The following USP49 variants were observed in gnomAD, a reference collection of about 807,000 sequenced individuals.
The protein encoded by USP49 is ubiquitin specific peptidase 49, also known as ubiquitin carboxyl-terminal hydrolase 49.
USP49 carries 24 observed loss-of-function variants against 58.6 expected under a neutral mutation model. That is an observed-to-expected ratio of 0.41 (90% CI 0.30 to 0.58). The LOEUF (loss-of-function observed/expected upper bound fraction) is 0.58, where lower values mean the gene tolerates loss of function less well. Among genes scored for constraint, USP49 ranks in the 20% least tolerant of loss-of-function variants. The pLI is 0.30. For missense variants in USP49, 703 were observed against 866.1 expected (o/e 0.81, Z 2.36); for synonymous variants, 408 against 365.1 (o/e 1.12, Z -1.34).
intron 3 of USP49, among the ~76,000 whole-genome samples, chr6:41,850,022 C>T (rs1014888703): frequency 6.6e-6 from 1 of 152,062 alleles, no homozygotes; most frequent in Non-Finnish European, 1.5e-5. Context: ...GCCACAGGAT[C>T]AAACAAGTCA....
intron 2 of USP49, among the ~76,000 whole-genome samples, chr6:41,878,405 A>C (rs984470486): frequency 6.6e-6 from 1 of 152,356 alleles, no homozygotes; most frequent in African/African-American, 2.4e-5. Flanking sequence ...TCACCAAAAA[A>C]TGTGACCTGA....
At chr6:41,835,010 G>A (rs1338658015) in intron 3 of USP49, among the ~76,000 whole-genome samples, 1 of 152,160 alleles carries the variant, frequency 6.6e-6, no homozygotes, top group East Asian at 1.9e-4. Context: ...ATGGTAATAA[G>A]GAAAGAAGAC....
chr6:41,806,922 G>A lies in USP49; in HGVS notation c.62C>T (p.Pro21Leu). The change falls in exon 4 of 8, where the codon CCT becomes CTT. Residue 21 changes from proline to leucine, a missense_variant. By Grantham distance (98) the Pro-to-Leu change is moderately conservative (BLOSUM62 -3). Coordinates refer to ENST00000682992, the MANE Select transcript of USP49 (RefSeq NM_001286554.2). This position sits in a 1 kb window ranked among gnomAD's most constrained non-coding sequence, Gnocchi z 5.9. Reference protein sequence around the residue: ...RLAQDHSILNPQKWCCLECAT... With the variant: ...RLAQDHSILNLQKWCCLECAT... Reference sequence around the variant, plus strand: ...ACACTCTAAGCAGCACCACTTCTGAGGGTTCAGGATGGAGTGGTCCTGGGC... The same window carrying A: ...ACACTCTAAGCAGCACCACTTCTGAAGGTTCAGGATGGAGTGGTCCTGGGC... The A allele has an allele frequency of 6.2e-7, 1 of 1,613,550 alleles. No homozygotes were observed. The highest frequency in any genetic ancestry group is 2.2e-5 in the East Asian group (1 of 44,880).
chr6:41,854,336 A>T (rs1774089176), intron 3 of USP49, among the ~76,000 whole-genome samples: 1 of 145,714 alleles, frequency 6.9e-6, no homozygotes, highest in Non-Finnish European at 1.5e-5. Flanking sequence ...AAAAAAAAAA[A>T]GCAGCAGCAT....
rs540160828 is a variant in USP49 at position 41,878,963 on chromosome 6, C to T, written c.-102-7326G>A. On this transcript the variant is annotated intron_variant, in intron 2 of 7. Coordinates refer to ENST00000682992, the MANE Select transcript of USP49 (RefSeq NM_001286554.2). ...TTGAATTGCTGCAATTCTAGTAACC[C>T]TAAATCGGTGGCAAGGAACATAAAA... Among the ~76,000 whole-genome samples the T allele has an allele frequency of 2.5e-3, 387 of 152,302 alleles. 1 individual carries two copies. Among genetic ancestry groups the T allele is most frequent in the Non-Finnish European group, 4.5e-3 (305 of 68,018 alleles).
chr6:41,802,533 G>A (rs1252986561), intron 5 of USP49, among the ~76,000 whole-genome samples: 2 of 142,358 alleles, frequency 1.4e-5, no homozygotes, highest in Non-Finnish European at 3.0e-5. Flanking sequence ...GAGTGCAGTG[G>A]CGCCCACCTT....
intron 2 of USP49, among the ~76,000 whole-genome samples, chr6:41,890,681 C>T (rs568400919): frequency 3.9e-5 from 6 of 152,130 alleles, no homozygotes; most frequent in African/African-American, 1.2e-4. Context: ...CAATAATAAT[C>T]ATAATAATCA....
In USP49 at chr6:41,824,333, T is replaced by C. The variant is rs902328576; in HGVS notation, c.-28-17322A>G. 4.6e-5 allele frequency among the ~76,000 whole-genome samples: 7 copies of C among 152,076 alleles called. No individual in the cohort carries two copies. The East Asian group carries it at 7.7e-4, about 17-fold the overall frequency. On this transcript the variant is annotated intron_variant, in intron 3 of 7. Transcript: ENST00000682992. ...AGCAAATTTGAGGGTTTTTCTAATA[T>C]CCATTTTCTTAAATCTTGAAAAATT...
intron 3 of USP49, among the ~76,000 whole-genome samples, chr6:41,841,933 T>C (rs1773835105): frequency 6.6e-6 from 1 of 152,158 alleles, no homozygotes; most frequent in South Asian, 2.1e-4. Flanking sequence ...GGCGCCCGCC[T>C]GTAATCCCAG....
chr6:41,816,138 A>G (rs899257929), intron 3 of USP49, among the ~76,000 whole-genome samples: 1 of 152,106 alleles, frequency 6.6e-6, no homozygotes, highest in African/African-American at 2.4e-5. Flanking sequence ...AATATTCTCA[A>G]GTGTCTTCTG....
intron 2 of USP49, among the ~76,000 whole-genome samples, chr6:41,878,059 T>TA (rs1774533660): frequency 6.6e-6 from 1 of 152,174 alleles, no homozygotes; most frequent in African/African-American, 2.4e-5. Context: ...GTAAAGGATG[T>TA]AACATCAGCT....
chr6:41,867,833 A>G (rs951584811), intron 3 of USP49, among the ~76,000 whole-genome samples: 7 of 152,222 alleles, frequency 4.6e-5, no homozygotes, highest in African/African-American at 1.7e-4. Context: ...TCTATCTACT[A>G]TAAATGATTC....
chr6:41,810,298 T>C (rs1773232068), intron 3 of USP49, among the ~76,000 whole-genome samples: 1 of 150,048 alleles, frequency 6.7e-6, no homozygotes, highest in African/African-American at 2.4e-5. Context: ...CTAGCCAACA[T>C]GGTGAAACCC....
At chr6:41,880,553 C>G (rs1774585836) in intron 2 of USP49, among the ~76,000 whole-genome samples, 1 of 152,182 alleles carries the variant, frequency 6.6e-6, no homozygotes, top group Admixed American at 6.5e-5. Context: ...CATCATCAGA[C>G]TTCTCGTCAG....
At chr6:41,797,195 C>T (rs908189018) in intron 7 of USP49, among the ~76,000 whole-genome samples, 2 of 152,172 alleles carry the variant, frequency 1.3e-5, no homozygotes, top group South Asian at 2.1e-4. Flanking sequence ...CTCCTGACCT[C>T]GTGATCCGCC....
In USP49 at chr6:41,885,574, G is replaced by A. The variant is rs148695219; in HGVS notation, c.-103+6220C>T. ...GCTCAAGCAATCCTCCCGCTCAAGT[G>A]GATCACTTGAGGTCAGGAGTTCGAG... On this transcript the variant is annotated intron_variant, in intron 2 of 7. Coordinates refer to ENST00000682992, the MANE Select transcript of USP49 (RefSeq NM_001286554.2). 1.0e-3 allele frequency among the ~76,000 whole-genome samples: 153 copies of A among 152,108 alleles called. No individual in the cohort carries two copies. In the Middle Eastern group the frequency reaches 0.024, roughly 24 times the overall value.
chr6:41,872,369 G>A (rs929020900), intron 2 of USP49, among the ~76,000 whole-genome samples: 10 of 151,024 alleles, frequency 6.6e-5, no homozygotes, highest in Admixed American at 4.0e-4. Flanking sequence ...GTTCCCGGCC[G>A]GGCGTCCGCC....
At chr6:41,895,011 C>A (rs1437313441) in intron 1 of USP49, among the ~76,000 whole-genome samples, 1 of 149,480 alleles carries the variant, frequency 6.7e-6, no homozygotes, top group Non-Finnish European at 1.5e-5. Context: ...CCCCGACTCC[C>A]GGCTCTCGCC....
intron 3 of USP49, among the ~76,000 whole-genome samples, chr6:41,813,240 C>A (rs1773289912): frequency 6.6e-6 from 1 of 152,154 alleles, no homozygotes; most frequent in Non-Finnish European, 1.5e-5. Flanking sequence ...CTAGCTAAAT[C>A]ACATCTGAAT....
Sources: gnomAD v4.1 joint callset for allele counts (sites outside exome capture counted in the v4.1 genomes callset) on GRCh38, gnomAD v4.1.1 for gene constraint, Gnocchi (gnomAD v3.1) non-coding constraint, MANE v1.5 for transcripts, NCBI Gene and HGNC (gene_info 2026-07-23, HGNC 2026-07-21) for gene names.